Variants in COL11A1 observed in about 807,000 individuals in gnomAD.
The protein encoded by COL11A1 is collagen alpha-1(XI) chain.
Under a neutral mutation model 265.2 loss-of-function variants are expected in COL11A1, and 74 were observed. That is an observed-to-expected ratio of 0.28 (90% CI 0.23 to 0.34). The LOEUF (loss-of-function observed/expected upper bound fraction) is 0.34, where lower values mean the gene tolerates loss of function less well. COL11A1 is among the 10% of genes least tolerant of loss of function. The pLI is 1.00. For missense variants in COL11A1, 2,165 were observed against 2,263.6 expected (o/e 0.96, Z 0.88); for synonymous variants, 816 against 727.6 (o/e 1.12, Z -1.96).
intron 41 of COL11A1, among the ~76,000 whole-genome samples, chr1:102,955,701 A>G (rs1660306545): frequency 6.6e-6 from 1 of 152,148 alleles, no homozygotes; most frequent in African/African-American, 2.4e-5. Flanking sequence ...ATTTTGTTTT[A>G]TAAAAATATA....
intron 44 of COL11A1, among the ~76,000 whole-genome samples, chr1:102,935,368 CA>C (rs1249687344): frequency 6.6e-6 from 1 of 152,140 alleles, no homozygotes; most frequent in East Asian, 1.9e-4. Flanking sequence ...TGTGAATCTT[CA>C]AGATAGATTT....
At chr1:102,913,608 C>T in intron 53 of COL11A1, 29 bp downstream of exon 53, 1 of 1,605,994 alleles carries the variant, frequency 6.2e-7, no homozygotes, top group Non-Finnish European at 8.5e-7. Flanking sequence ...TATGTAAAAA[C>T]TTAAAAATAA....
intron 57 of COL11A1, among the ~76,000 whole-genome samples, chr1:102,897,914 T>A (rs1324851977): frequency 8.5e-5 from 13 of 152,150 alleles, no homozygotes; most frequent in Non-Finnish European, 1.3e-4. Context: ...CCAAAGTGCA[T>A]AAGAAAGAAA....
chr1:103,006,178 AAAATAAATAAAT>A, intron 16 of COL11A1, 57 bp from the exon 17 acceptor site: 1 of 953,032 alleles, frequency 1.0e-6, no homozygotes, highest in Non-Finnish European at 1.5e-6. Flanking sequence ...GCAAGGAAGT[AAAATAAATAAAT>A]AAATAAATAA....
intron 41 of COL11A1, among the ~76,000 whole-genome samples, chr1:102,951,027 C>G (rs903772220): frequency 6.6e-6 from 1 of 152,060 alleles, no homozygotes; most frequent in African/African-American, 2.4e-5. Flanking sequence ...GTAAGTTTCC[C>G]GAGGCTTCCC....
intron 4 of COL11A1, among the ~76,000 whole-genome samples, chr1:103,032,473 G>A (rs2050601): frequency 0.67 from 101,441 of 151,772 alleles, 35,936 homozygotes; most frequent in East Asian, 0.93. Flanking sequence ...TTTGCACTTT[G>A]GAGAGTGCAA....
chr1:102,984,085 TTAA>T lies in COL11A1; in HGVS notation c.2556+50_2556+52del, dbSNP rs1663301597. The T allele has an allele frequency of 4.4e-5, 53 of 1,211,802 alleles. 2 individuals carry two copies. In the South Asian group the frequency reaches 6.5e-4, roughly 15 times the overall value. 75.1% of individuals were successfully genotyped at this position (1,211,802 alleles called of 1,614,324 possible). ...CAAATTGTAAGGTAATCATAAGTGA[TTAA>T]TATTATCTTCACGAAATGTTAATAA... On this transcript the variant is annotated intron_variant, in intron 31 of 66. Transcript: ENST00000370096.
Position 103,087,388 on chromosome 1 carries a change from A to AGCTT in COL11A1, c.107-4420_107-4417dup, listed in dbSNP as rs1164749790. Among the ~76,000 whole-genome samples the AGCTT allele has an allele frequency of 2.0e-5, 3 of 152,316 alleles. No homozygotes were observed. The South Asian group carries it at 6.2e-4, about 32-fold the overall frequency. The stretch of plus-strand genomic sequence containing the variant: ...AATCTTCATTCCACCAACTTGATTA[A>AGCTT]GCTTCCAAAAATCCATGTCTCATGT... On this transcript the variant is annotated intron_variant, in intron 1 of 66. Transcript: ENST00000370096.
intron 16 of COL11A1, 67 bp from the exon 17 acceptor site, chr1:103,006,188 A>AATAAATAAATAAATAC (rs1166710765): frequency 7.9e-7 from 1 of 1,260,958 alleles, no homozygotes; most frequent in Non-Finnish European, 1.1e-6. Flanking sequence ...AAAATAAATA[A>AATAAATAAATAAATAC]ATAAATAAAT....
intron 42 of COL11A1, 72 bp downstream of exon 42, chr1:102,946,777 A>G: frequency 8.3e-7 from 1 of 1,207,220 alleles, no homozygotes; most frequent in Non-Finnish European, 1.2e-6. Flanking sequence ...TGAAAAGCTA[A>G]TATTATTGAA....
intron 24 of COL11A1, among the ~76,000 whole-genome samples, chr1:102,999,102 T>G (rs960312587): frequency 3.3e-5 from 5 of 151,928 alleles, no homozygotes; most frequent in Admixed American, 2.6e-4. Flanking sequence ...CAGGTCATCG[T>G]TATTGACACA....
At chr1:103,079,619 T>A (rs1180747107) in intron 2 of COL11A1, among the ~76,000 whole-genome samples, 2 of 152,046 alleles carry the variant, frequency 1.3e-5, no homozygotes, top group Non-Finnish European at 2.9e-5. Flanking sequence ...CTTATATTTT[T>A]ATAAAACAAT....
intron 13 of COL11A1, among the ~76,000 whole-genome samples, chr1:103,013,026 A>G (rs554124406): frequency 9.2e-5 from 14 of 152,136 alleles, no homozygotes; most frequent in Non-Finnish European, 2.1e-4. Context: ...TACATGCACT[A>G]TTGTTACACT....
At chr1:102,901,672 C>T (rs1329536597) in intron 54 of COL11A1, among the ~76,000 whole-genome samples, 1 of 152,122 alleles carries the variant, frequency 6.6e-6, no homozygotes, top group Non-Finnish European at 1.5e-5. Context: ...CTCATAAAAA[C>T]ATAACCCACT....
At position 103,027,432 on chromosome 1, in the gene COL11A1, T is replaced by TGC. The variant is rs1667626540; in HGVS notation, c.781-1101_781-1100insGC. ...ATATATATATATATATATATATATA[T>TGC]ATATATATATATGCATGCATGCCGG... On this transcript the variant is annotated intron_variant, in intron 5 of 66. Transcript: ENST00000370096. Among the ~76,000 whole-genome samples, 8 of 108,284 alleles carry TGC rather than the reference T, an allele frequency of 7.4e-5. No individual in the cohort carries two copies. The South Asian group carries it at 2.1e-3, about 29-fold the overall frequency. The allele number at this position is 108,284 out of a possible 152,430, so 71.0% of individuals were successfully genotyped here. A position where few individuals can be genotyped will look rare whatever the true frequency, so the allele number is the denominator to read the frequency against.
intron 1 of COL11A1, among the ~76,000 whole-genome samples, chr1:103,104,294 A>G (rs1270265732): frequency 1.3e-5 from 2 of 152,110 alleles, no homozygotes; most frequent in African/African-American, 4.8e-5. Flanking sequence ...TTAGAAAAGA[A>G]AGGTGACTCT....
Position 103,008,511 on chromosome 1 carries a change from C to T in COL11A1, c.1635G>A (p.Gly545=), listed in dbSNP as rs746478999. 1 of 1,612,936 alleles carries T rather than the reference C, an allele frequency of 6.2e-7. No homozygotes were observed. The change falls in exon 15 of 67, where the codon GGG becomes GGA. Residue 545 remains glycine (G), a synonymous_variant. Coordinates refer to ENST00000370096, the MANE Select transcript of COL11A1 (RefSeq NM_001854.4). ...GLTGRPGPVG[G]PGSSGAKGES... is the part of the protein sequence containing the mutation. ...CACCTTTGGCCCCAGATGAACCAGGCCCCCCCTATAGAGAAAAAGTGAAGA... is the reference window on the plus strand; with the variant it reads ...CACCTTTGGCCCCAGATGAACCAGGTCCCCCCTATAGAGAAAAAGTGAAGA...
At chr1:103,032,828 A>G (rs1297497653) in intron 4 of COL11A1, among the ~76,000 whole-genome samples, 1 of 152,140 alleles carries the variant, frequency 6.6e-6, no homozygotes, top group Non-Finnish European at 1.5e-5. Context: ...TTTAAAAATA[A>G]CAGTTATTGA....
In COL11A1 at chr1:102,882,700, A is replaced by C. The variant is rs78721514; in HGVS notation, c.4971+499T>G. The stretch of plus-strand genomic sequence containing the variant: ...TTCTTTACATTAATGATTTGCATTT[A>C]GCTTTGAAGACAGAACTCAGTGTAC... On this transcript the variant is annotated intron_variant, in intron 64 of 66. Coordinates refer to ENST00000370096, the MANE Select transcript of COL11A1 (RefSeq NM_001854.4). Among the ~76,000 whole-genome samples the C allele has an allele frequency of 8.8e-3, 1,343 of 152,340 alleles. 17 individuals are homozygous for C. The highest frequency in any genetic ancestry group is 0.031 in the African/African-American group (1,281 of 41,586).
Sources: gnomAD v4.1 joint callset for allele counts (sites outside exome capture counted in the v4.1 genomes callset) on GRCh38, gnomAD v4.1.1 for gene constraint, MANE v1.5 for transcripts, NCBI Gene and HGNC (gene_info 2026-07-23, HGNC 2026-07-21) for gene names.